Variants in VAV2 observed in about 807,000 individuals in gnomAD.
VAV2 encodes the protein vav guanine nucleotide exchange factor 2.
VAV2 carries 67 observed loss-of-function variants against 132.5 expected under a neutral mutation model. The observed-to-expected ratio is 0.51, with a 90% CI of 0.42 to 0.62. The LOEUF (loss-of-function observed/expected upper bound fraction) is 0.62. Ranked by LOEUF, VAV2 falls within the 20% of genes least tolerant of loss-of-function variation. VAV2 has a pLI of 0.00. For synonymous variants in VAV2, 492 were observed against 443.5 expected, an observed-to-expected ratio of 1.11 and a Z score of -1.37; for missense variants, 938 against 1,153.6, an observed-to-expected ratio of 0.81 and a Z score of 2.71.
At chr9:133,893,699 C>T (rs1053464909) in intron 2 of VAV2, among the ~76,000 whole-genome samples, 3 of 152,322 alleles carry the variant, frequency 2.0e-5, no homozygotes, top group Admixed American at 6.5e-5. Context: ...CGTCGCCACA[C>T]GGCAGCTTTC....
intron 1 of VAV2, among the ~76,000 whole-genome samples, chr9:133,944,274 C>T (rs1221764942): frequency 6.6e-6 from 1 of 152,102 alleles, no homozygotes; most frequent in African/African-American, 2.4e-5. Flanking sequence ...AACGGGTCAC[C>T]GGCAGTGCTG....
At chr9:133,962,562 G>A (rs756712305) in intron 1 of VAV2, among the ~76,000 whole-genome samples, 9 of 152,058 alleles carry the variant, frequency 5.9e-5, no homozygotes, top group Non-Finnish European at 1.3e-4. Flanking sequence ...GGTACCCTGG[G>A]ACGCCCACCC....
In VAV2 at chr9:133,770,517, A is replaced by T; in HGVS notation, c.2224-16T>A. 1 of 1,611,822 alleles carries T rather than the reference A, an allele frequency of 6.2e-7. No homozygotes were observed. The highest frequency in any genetic ancestry group is 1.1e-5 in the South Asian group (1 of 91,022). On this transcript the variant is annotated splice_polypyrimidine_tract_variant and intron_variant, in intron 26 of 29. Coordinates refer to ENST00000371850, the MANE Select transcript of VAV2 (RefSeq NM_001134398.2). The stretch of plus-strand genomic sequence containing the variant: ...CCACCAACTCCTGCAGGGCGTACAC[A>T]CTCACTGACAGCTGCTGCCACCTCC...
At chr9:133,781,010 CTT>C (rs898823789) in intron 19 of VAV2, among the ~76,000 whole-genome samples, 2 of 152,236 alleles carry the variant, frequency 1.3e-5, no homozygotes, top group African/African-American at 2.4e-5. Flanking sequence ...TGGGCCACCT[CTT>C]TTGAATGGCG....
intron 1 of VAV2, among the ~76,000 whole-genome samples, chr9:133,982,363 C>T (rs1391553218): frequency 6.6e-6 from 1 of 152,154 alleles, no homozygotes; most frequent in African/African-American, 2.4e-5. Context: ...GGCAGGAGGC[C>T]GCAAGAGGGG....
Position 133,776,017 on chromosome 9 carries a change from G to A in VAV2, c.2018+11C>T, listed in dbSNP as rs765299247. 68 of 1,605,054 alleles carry A rather than the reference G, an allele frequency of 4.2e-5. No homozygotes were observed. Among genetic ancestry groups the A allele is most frequent in the East Asian group, 1.4e-4 (6 of 44,328 alleles). ...CCAGATGCCCATGTCTGCAGCCCAC[G>A]ATCCACTCACCAGGGGTATGCAGTG... On this transcript the variant is annotated intron_variant, in intron 24 of 29. Transcript: ENST00000371850.
At chr9:133,797,301 T>C (rs558313789) in intron 10 of VAV2, among the ~76,000 whole-genome samples, 1 of 148,604 alleles carries the variant, frequency 6.7e-6, no homozygotes, top group Non-Finnish European at 1.5e-5. Flanking sequence ...GGATCAGGGG[T>C]CAGTCAGAGC....
intron 2 of VAV2, among the ~76,000 whole-genome samples, chr9:133,927,329 C>A (rs757889725): frequency 6.6e-6 from 1 of 152,166 alleles, no homozygotes. Context: ...CACTACCAAT[C>A]GATCAGGATT....
At chr9:133,871,894 C>T (rs1299862976) in intron 2 of VAV2, among the ~76,000 whole-genome samples, 1 of 151,910 alleles carries the variant, frequency 6.6e-6, no homozygotes, top group Admixed American at 6.5e-5. Context: ...CCCTTCTGAG[C>T]CCCCAGCAGG....
At position 133,883,174 on chromosome 9, in the gene VAV2, C is replaced by T. The variant is rs1014046211; in HGVS notation, c.322-21742G>A. Among the ~76,000 whole-genome samples the T allele has an allele frequency of 1.3e-5, 2 of 152,228 alleles. No individual in the cohort carries two copies. The highest frequency in any genetic ancestry group is 2.1e-4 in the South Asian group (1 of 4,830). Reference sequence around the variant, plus strand: ...CAAGTCCCTGAGCCTGCAAAAGACTCGGCTGTCCCCACACACCACTCCTGG... The same window carrying T: ...CAAGTCCCTGAGCCTGCAAAAGACTTGGCTGTCCCCACACACCACTCCTGG... On this transcript the variant is annotated intron_variant, in intron 2 of 29. Coordinates refer to ENST00000371850, the MANE Select transcript of VAV2 (RefSeq NM_001134398.2). The surrounding 1 kb of genome is among the most constrained non-coding windows in gnomAD (Gnocchi z 4.2).
intron 3 of VAV2, among the ~76,000 whole-genome samples, chr9:133,842,720 G>A (rs1836773334): frequency 1.3e-5 from 2 of 152,350 alleles, no homozygotes; most frequent in African/African-American, 4.8e-5. Context: ...AACACCACCA[G>A]GTGCAGTGGC....
intron 1 of VAV2, among the ~76,000 whole-genome samples, chr9:133,955,127 C>A (rs967365657): frequency 6.6e-6 from 1 of 151,940 alleles, no homozygotes; most frequent in Non-Finnish European, 1.5e-5. Flanking sequence ...CCTCCAGGCT[C>A]GGCCAAGGGT....
At chr9:133,910,112 C>T (rs1229184191) in intron 2 of VAV2, among the ~76,000 whole-genome samples, 1 of 152,182 alleles carries the variant, frequency 6.6e-6, no homozygotes, top group African/African-American at 2.4e-5. Flanking sequence ...GCTTCCCCCA[C>T]CCCAGCCCTC....
intron 29 of VAV2, among the ~76,000 whole-genome samples, chr9:133,767,611 C>T (rs1833479406): frequency 6.6e-6 from 1 of 152,188 alleles, no homozygotes; most frequent in Non-Finnish European, 1.5e-5. Context: ...CTTGACACTT[C>T]TATAGGGCAG....
At chr9:133,845,094 T>TC (rs557252526) in intron 3 of VAV2, among the ~76,000 whole-genome samples, 112 of 152,268 alleles carry the variant, frequency 7.4e-4, no homozygotes, top group African/African-American at 2.5e-3. Flanking sequence ...TTCCTGAGCT[T>TC]CCCCCGCTCT....
chr9:133,914,993 G>T (rs1459752485), intron 2 of VAV2, among the ~76,000 whole-genome samples: 1 of 152,090 alleles, frequency 6.6e-6, no homozygotes, highest in African/African-American at 2.4e-5. Flanking sequence ...AGCTCGCACG[G>T]GGGGAAGGAC....
intron 2 of VAV2, among the ~76,000 whole-genome samples, chr9:133,915,561 C>T (rs1354395972): frequency 6.6e-6 from 1 of 150,752 alleles, no homozygotes; most frequent in African/African-American, 2.4e-5. Context: ...CCTAGAAAAA[C>T]TGGTGCCAGT....
intron 2 of VAV2, among the ~76,000 whole-genome samples, chr9:133,924,183 A>G (rs117920781): frequency 0.014 from 2,133 of 152,224 alleles, 18 homozygotes; most frequent in Non-Finnish European, 0.022. Context: ...GGCATTATTT[A>G]TTTTTATTTT....
At chr9:133,920,061 G>A (rs571239766) in intron 2 of VAV2, among the ~76,000 whole-genome samples, 18 of 152,244 alleles carry the variant, frequency 1.2e-4, no homozygotes, top group South Asian at 6.2e-4. Flanking sequence ...CCAGCTGCAC[G>A]GGGAACTGAC....
Sources: allele counts gnomAD v4.1 joint callset (sites outside exome capture counted in the v4.1 genomes callset), GRCh38; gene constraint gnomAD v4.1.1; non-coding constraint Gnocchi (gnomAD v3.1); transcripts MANE v1.5; gene names NCBI Gene and HGNC (gene_info 2026-07-23, HGNC 2026-07-21).